MECOM: variants seen among roughly 807,000 people sequenced by gnomAD.
MECOM encodes the protein histone-lysine N-methyltransferase MECOM.
MECOM carries 13 observed loss-of-function variants against 116.3 expected under a neutral mutation model. The ratio of observed to expected loss-of-function variants is 0.11; its 90% CI spans 0.07 to 0.18. The LOEUF (loss-of-function observed/expected upper bound fraction) is 0.18. MECOM is among the 10% of genes least tolerant of loss of function. MECOM has a pLI of 1.00. For missense variants in MECOM, 1,299 were observed against 1,509.0 expected (o/e 0.86, Z 2.31); for synonymous variants, 528 against 535.2 (o/e 0.99, Z 0.19).
intron 1 of MECOM, among the ~76,000 whole-genome samples, chr3:169,440,565 G>A (rs1578108208): frequency 1.3e-5 from 2 of 151,748 alleles, no homozygotes; most frequent in South Asian, 4.2e-4. Flanking sequence ...AGGAGGGAGT[G>A]GGGTTGGGGT....
chr3:169,115,312 C>T (rs1014992378), intron 8 of MECOM, 71 bp downstream of exon 8: 3 of 1,470,714 alleles, frequency 2.0e-6, no homozygotes, highest in Non-Finnish European at 2.8e-6. Context: ...GTTAAAAAGC[C>T]ATCACTTTAC....
chr3:169,361,155 C>A (rs1728240494), intron 2 of MECOM, among the ~76,000 whole-genome samples: 1 of 151,800 alleles, frequency 6.6e-6, no homozygotes, highest in South Asian at 2.1e-4. Context: ...ACAGCTCTTA[C>A]CTCTCTCAAC....
chr3:169,496,553 C>T (rs1046129879), intron 1 of MECOM, among the ~76,000 whole-genome samples: 7 of 152,176 alleles, frequency 4.6e-5, no homozygotes, highest in African/African-American at 1.4e-4. Flanking sequence ...CAAGGGTTAT[C>T]GGCAAGCCAC....
intron 1 of MECOM, among the ~76,000 whole-genome samples, chr3:169,422,035 A>T (rs559618286): frequency 2.8e-4 from 42 of 152,272 alleles, no homozygotes; most frequent in African/African-American, 8.2e-4. Context: ...TATTTCATAA[A>T]CAAATAACAA....
intron 2 of MECOM, among the ~76,000 whole-genome samples, chr3:169,247,454 C>T (rs1247923297): frequency 3.3e-5 from 5 of 152,084 alleles, no homozygotes; most frequent in Admixed American, 1.3e-4. Context: ...TACTGGCATG[C>T]GCCACCACCC....
intron 1 of MECOM, among the ~76,000 whole-genome samples, chr3:169,483,010 C>G (rs1751563820): frequency 6.6e-6 from 1 of 152,014 alleles, no homozygotes; most frequent in Non-Finnish European, 1.5e-5. Context: ...TCACTTTGGT[C>G]CATATTTTCC....
At position 169,115,740 on chromosome 3, in the gene MECOM, G is replaced by T. The variant is rs1316869355; in HGVS notation, c.2132C>A (p.Pro711His). 1 of 1,614,140 alleles carries T rather than the reference G, an allele frequency of 6.2e-7. No homozygotes were observed. Among genetic ancestry groups the T allele is most frequent in the Admixed American group, 1.7e-5 (1 of 60,012 alleles). The change falls in exon 8 of 17, where the codon CCT becomes CAT. Residue 711 changes from proline to histidine, a missense_variant. By Grantham distance (77) the Pro-to-His change is moderately conservative (BLOSUM62 -2). Transcript: ENST00000651503. The part of the protein sequence containing the change: ...PAFSQSMYPF[P>H]DRDLRSLPLK... ...AGGTAACGATCTCAAGTCTCTATCA[G>T]GAAATGGGTACATTGATTGAGAGAA...
chr3:169,618,145 G>A (rs1330000546), intron 1 of MECOM, among the ~76,000 whole-genome samples: 1 of 152,080 alleles, frequency 6.6e-6, no homozygotes, highest in East Asian at 1.9e-4. Context: ...TGGGGCCATG[G>A]CATATAGTTA....
chr3:169,472,054 G>A (rs1295821996), intron 1 of MECOM, among the ~76,000 whole-genome samples: 1 of 152,022 alleles, frequency 6.6e-6, no homozygotes, highest in African/African-American at 2.4e-5. Flanking sequence ...AGGATCCTAA[G>A]AGTGTTTCTC....
rs9851446 is a variant in MECOM at position 169,342,569 on chromosome 3, A to G, written c.375+38618T>C. ...TTGAGAACTACTCTATATATCAAAC[A>G]TTTAAAAAATGAAAAGACATGCCAC... On this transcript the variant is annotated intron_variant, in intron 2 of 16. Coordinates refer to ENST00000651503, the MANE Select transcript of MECOM (RefSeq NM_004991.4). Among the ~76,000 whole-genome samples, 947 of 152,254 alleles carry G rather than the reference A, an allele frequency of 6.2e-3. 8 individuals are homozygous for G. The highest frequency in any genetic ancestry group is 0.022 in the African/African-American group (916 of 41,546).
intron 1 of MECOM, chr3:169,472,934 C>T: frequency 1.0e-6 from 1 of 975,466 alleles, no homozygotes; most frequent in Non-Finnish European, 1.2e-6. Flanking sequence ...AAAATATTTA[C>T]TAGGCCCCTA....
At chr3:169,455,922 T>G (rs1746404981) in intron 1 of MECOM, among the ~76,000 whole-genome samples, 1 of 152,218 alleles carries the variant, frequency 6.6e-6, no homozygotes, top group Non-Finnish European at 1.5e-5. Flanking sequence ...GGTAGAAAGC[T>G]TTTGAGCCTA....
intron 3 of MECOM, among the ~76,000 whole-genome samples, chr3:169,141,274 G>A (rs539171796): frequency 2.2e-4 from 34 of 152,028 alleles, no homozygotes; most frequent in African/African-American, 6.3e-4. Flanking sequence ...AACTTTATCC[G>A]TATCTAAAAA....
chr3:169,277,438 A>T (rs983975461), intron 2 of MECOM, among the ~76,000 whole-genome samples: 7 of 152,184 alleles, frequency 4.6e-5, no homozygotes, highest in Non-Finnish European at 1.0e-4. Context: ...TTTTTTTCAG[A>T]TAAATCTTAA....
intron 1 of MECOM, among the ~76,000 whole-genome samples, chr3:169,544,702 G>A (rs748401011): frequency 5.6e-4 from 85 of 152,250 alleles, no homozygotes; most frequent in Non-Finnish European, 1.0e-3. Flanking sequence ...AAAAAAGAAC[G>A]AGATCATGTC....
At chr3:169,388,507 G>A (rs1437100713) in intron 1 of MECOM, among the ~76,000 whole-genome samples, 1 of 152,254 alleles carries the variant, frequency 6.6e-6, no homozygotes, top group African/African-American at 2.4e-5. Context: ...CCAAAGAAAC[G>A]AAGAAAGGAA....
chr3:169,483,919 T>A (rs1160191918), intron 1 of MECOM: 10 of 1,608,758 alleles, frequency 6.2e-6, no homozygotes, highest in Non-Finnish European at 6.8e-6. Flanking sequence ...TTCACTTTGA[T>A]CCTTTCTTGC....
rs114858113 is a variant in MECOM, at chr3:169,660,893, C to T, written c.37+2443G>A. On this transcript the variant is annotated intron_variant, in intron 1 of 16. Coordinates refer to ENST00000651503, the MANE Select transcript of MECOM (RefSeq NM_004991.4). Reference sequence around the variant, plus strand: ...TGTCTGGGAAAGGCAGCTGCGGCAGCAACAGCTGGAGTAGTGCAAGCGGGA... The same window carrying T: ...TGTCTGGGAAAGGCAGCTGCGGCAGTAACAGCTGGAGTAGTGCAAGCGGGA... Among the ~76,000 whole-genome samples, 1,314 of 152,304 alleles carry T rather than the reference C, an allele frequency of 8.6e-3. 23 individuals carry two copies. Among genetic ancestry groups the T allele is most frequent in the African/African-American group, 0.03 (1,261 of 41,548 alleles).
intron 2 of MECOM, among the ~76,000 whole-genome samples, chr3:169,319,727 A>G (rs1333096953): frequency 6.6e-6 from 1 of 152,192 alleles, no homozygotes; most frequent in African/African-American, 2.4e-5. Context: ...GAAAGTGGGA[A>G]AGTTATCAAT....
Sources: allele counts gnomAD v4.1 joint callset (sites outside exome capture counted in the v4.1 genomes callset), GRCh38; gene constraint gnomAD v4.1.1; transcripts MANE v1.5; gene names NCBI Gene and HGNC (gene_info 2026-07-23, HGNC 2026-07-21).